Variants in BCKDHB observed in about 807,000 individuals in gnomAD.
BCKDHB encodes 2-oxoisovalerate dehydrogenase subunit beta, mitochondrial.
BCKDHB carries 41 observed loss-of-function variants against 48.5 expected under a neutral mutation model. The ratio of observed to expected loss-of-function variants is 0.85; its 90% CI spans 0.66 to 1.10. BCKDHB has a LOEUF of 1.10. Ranked by LOEUF, BCKDHB falls within the 50% of genes least tolerant of loss-of-function variation. The pLI, the probability that BCKDHB is intolerant of heterozygous loss-of-function variation, is 0.00. For synonymous variants in BCKDHB, 201 were observed against 174.8 expected (o/e 1.15, Z -1.18); for missense variants, 496 against 494.2 (o/e 1.00, Z -0.03).
intron 3 of BCKDHB, among the ~76,000 whole-genome samples, chr6:80,129,785 A>G (rs1770538562): frequency 6.6e-6 from 1 of 152,178 alleles, no homozygotes; most frequent in South Asian, 2.1e-4. Context: ...GGGAACCTGC[A>G]GTCTTTTCTC....
intron 6 of BCKDHB, among the ~76,000 whole-genome samples, chr6:80,176,625 ATCTCT>A (rs1773167918): frequency 1.3e-5 from 2 of 152,176 alleles, no homozygotes; most frequent in Admixed American, 1.3e-4. Context: ...GAAAAAAAAA[ATCTCT>A]TCTGAGAGTT....
chr6:80,248,369 G>A (rs113269130), intron 8 of BCKDHB, among the ~76,000 whole-genome samples: 76 of 152,178 alleles, frequency 5.0e-4, no homozygotes, highest in Non-Finnish European at 5.1e-4. Flanking sequence ...TACATTCTGC[G>A]TTGCTTGGTT....
the BCKDHB span, among the ~76,000 whole-genome samples, chr6:80,361,724 G>A: frequency 2.6e-5 from 4 of 152,210 alleles, no homozygotes; most frequent in East Asian, 7.7e-4. Context: ...TGCAAGCAGA[G>A]TTTGGAAAAA....
the BCKDHB span, among the ~76,000 whole-genome samples, chr6:80,413,058 T>C: frequency 1.3e-5 from 2 of 152,184 alleles, no homozygotes; most frequent in African/African-American, 4.8e-5. Context: ...ACCCAGATTT[T>C]GGATATTTTC....
intron 6 of BCKDHB, among the ~76,000 whole-genome samples, chr6:80,179,754 A>G (rs1038085813): frequency 6.6e-6 from 1 of 152,194 alleles, no homozygotes; most frequent in Admixed American, 6.5e-5. Flanking sequence ...TGAAAGTTAT[A>G]AAAACTACAT....
intron 9 of BCKDHB, among the ~76,000 whole-genome samples, chr6:80,326,585 A>T (rs925524886): frequency 6.6e-6 from 1 of 152,162 alleles, no homozygotes; most frequent in African/African-American, 2.4e-5. Context: ...AGGAAAACAG[A>T]CTAAGAAGAG....
rs73748790 is a variant in BCKDHB at position 80,320,933 on chromosome 6, A to G, written c.1039-22731A>G. Reference sequence around the variant, plus strand: ...TAAATTAAACCTTCAATAATCTCATAAAAATGAGATATTTTCTTGCTATAC... The same window carrying G: ...TAAATTAAACCTTCAATAATCTCATGAAAATGAGATATTTTCTTGCTATAC... On this transcript the variant is annotated intron_variant, in intron 9 of 9. Transcript: ENST00000320393. Among the ~76,000 whole-genome samples the G allele has an allele frequency of 4.9e-3, 752 of 152,310 alleles. 5 individuals are homozygous for G. Among genetic ancestry groups the G allele is most frequent in the African/African-American group, 0.017 (722 of 41,574 alleles).
chr6:80,438,750 C>T, the BCKDHB span, among the ~76,000 whole-genome samples: 1 of 152,184 alleles, frequency 6.6e-6, no homozygotes, highest in African/African-American at 2.4e-5. Context: ...GCATAACAAA[C>T]ACATATCATT....
At chr6:80,407,592 G>A in the BCKDHB span, among the ~76,000 whole-genome samples, 1 of 152,116 alleles carries the variant, frequency 6.6e-6, no homozygotes, top group Non-Finnish European at 1.5e-5. Flanking sequence ...TTGGATTCCT[G>A]GGTATTTTAT....
chr6:80,226,484 A>C (rs1775682892), intron 8 of BCKDHB, among the ~76,000 whole-genome samples: 2 of 152,224 alleles, frequency 1.3e-5, no homozygotes, highest in African/African-American at 4.8e-5. Flanking sequence ...AAGTAGGATA[A>C]CTTTGCATCC....
At chr6:80,158,505 A>G (rs965058092) in intron 3 of BCKDHB, among the ~76,000 whole-genome samples, 2 of 152,180 alleles carry the variant, frequency 1.3e-5, no homozygotes, top group African/African-American at 4.8e-5. Flanking sequence ...GGAACCTGTC[A>G]TATTCTAGAA....
intron 1 of BCKDHB, 42 bp downstream of exon 1, chr6:80,106,931 A>C (rs1464737881): frequency 1.9e-6 from 3 of 1,570,906 alleles, no homozygotes; most frequent in Non-Finnish European, 1.7e-6. Context: ...TGCAGCCCGG[A>C]CTCCCAGGCT....
intron 8 of BCKDHB, among the ~76,000 whole-genome samples, chr6:80,262,081 T>G (rs561182921): frequency 6.6e-6 from 1 of 152,282 alleles, no homozygotes; most frequent in South Asian, 2.1e-4. Context: ...ACAGGTAAGG[T>G]CTTCTCCTGT....
At chr6:80,282,884 G>C (rs1463561201) in intron 9 of BCKDHB, among the ~76,000 whole-genome samples, 1 of 151,748 alleles carries the variant, frequency 6.6e-6, no homozygotes, top group Admixed American at 6.6e-5. Context: ...AATCTTCCTA[G>C]TTGTTTTAAA....
chr6:80,415,611 G>C, the BCKDHB span, among the ~76,000 whole-genome samples: 1 of 152,178 alleles, frequency 6.6e-6, no homozygotes, highest in Non-Finnish European at 1.5e-5. Context: ...TTGCATCCCA[G>C]GGATAAAGCC....
intron 3 of BCKDHB, 111 bp from the exon 4 acceptor site, chr6:80,167,567 A>G (rs1772637398): frequency 8.7e-7 from 1 of 1,154,296 alleles, no homozygotes; most frequent in South Asian, 1.3e-5. Flanking sequence ...TGTTTCCTCT[A>G]CCTGTTCTAT....
rs978863715 is a variant in BCKDHB, at chr6:80,286,811, T to C, written c.1038+13590T>C. The stretch of plus-strand genomic sequence containing the variant: ...AGGTTTTCATTAGTAAAAGTTTATT[T>C]TTTTGTGTCACAGAAGTAGAGTATG... On this transcript the variant is annotated intron_variant, in intron 9 of 9. Transcript: ENST00000320393. Among the ~76,000 whole-genome samples, 81 of 152,280 alleles carry C rather than the reference T, an allele frequency of 5.3e-4. 2 individuals are homozygous for C. Among genetic ancestry groups the C allele is most frequent in the African/African-American group, 1.9e-3 (80 of 41,562 alleles).
At chr6:80,419,369 C>T in the BCKDHB span, among the ~76,000 whole-genome samples, 1 of 152,148 alleles carries the variant, frequency 6.6e-6, no homozygotes, top group African/African-American at 2.4e-5. Context: ...GACTGATCTG[C>T]AAGCAGGGAT....
chr6:80,325,789 A>C (rs1425611612), intron 9 of BCKDHB, among the ~76,000 whole-genome samples: 1 of 152,246 alleles, frequency 6.6e-6, no homozygotes, highest in Non-Finnish European at 1.5e-5. Flanking sequence ...AAAATCTCAT[A>C]ACCCCAGTTC....
Sources: allele counts gnomAD v4.1 joint callset (sites outside exome capture counted in the v4.1 genomes callset), GRCh38; gene constraint gnomAD v4.1.1; transcripts MANE v1.5; gene names NCBI Gene and HGNC (gene_info 2026-07-23, HGNC 2026-07-21).